Variants in NEMP2 observed in about 807,000 individuals in gnomAD.
The protein encoded by NEMP2 is nuclear envelope integral membrane protein 2.
A neutral mutation model predicts 54.2 loss-of-function variants in NEMP2; 53 were observed. That is an observed-to-expected ratio of 0.98 (90% CI 0.78 to 1.23). NEMP2 has a LOEUF of 1.23. Ranked by LOEUF, NEMP2 falls within the 50% of genes most tolerant of loss-of-function variation. The probability of loss-of-function intolerance (pLI) is 0.00; values close to 1 mark genes in which losing one functional copy is unlikely to be tolerated. For missense variants in NEMP2, 455 were observed against 511.3 expected, an observed-to-expected ratio of 0.89 and a Z score of 1.06; for synonymous variants, 197 against 190.3, an observed-to-expected ratio of 1.04 and a Z score of -0.29.
At chr2:190,570,874 A>G in the NEMP2 span, among the ~76,000 whole-genome samples, 1 of 152,274 alleles carries the variant, frequency 6.6e-6, no homozygotes, top group Admixed American at 6.5e-5. This position sits in a 1 kb window ranked among gnomAD's most constrained non-coding sequence, Gnocchi z 5.4. Flanking sequence ...ACTTCAAACA[A>G]AAACAATCTG....
rs1311161848 is a variant in NEMP2, at chr2:190,504,921, T to A, written c.*4268A>T. On this transcript the variant is annotated 3_prime_UTR_variant, in exon 9 of 9. Transcript: ENST00000409150. The surrounding 1 kb of genome is among the most constrained non-coding windows in gnomAD (Gnocchi z 5.6). ...AAATATGTATGGCAAGTTGACATTG[T>A]CATGACATGATCATCGTGCTTATAT... The A allele has an allele frequency of 1.3e-5, 2 of 152,264 alleles. No homozygotes were observed. Among genetic ancestry groups the A allele is most frequent in the African/African-American group, 4.8e-5 (2 of 41,474 alleles). 9.4% of individuals were successfully genotyped at this position (152,264 alleles called of 1,614,324 possible).
At chr2:190,488,372 TG>T in the NEMP2 span, among the ~76,000 whole-genome samples, 1 of 152,154 alleles carries the variant, frequency 6.6e-6, no homozygotes, top group Non-Finnish European at 1.5e-5. This position sits in a 1 kb window ranked among gnomAD's most constrained non-coding sequence, Gnocchi z 6.4. Context: ...TGTCAGGGGA[TG>T]GGACAAGGGG....
At chr2:190,578,889 A>G in the NEMP2 span, among the ~76,000 whole-genome samples, 2 of 152,176 alleles carry the variant, frequency 1.3e-5, no homozygotes, top group Non-Finnish European at 2.9e-5. This position sits in a 1 kb window ranked among gnomAD's most constrained non-coding sequence, Gnocchi z 4.4. Flanking sequence ...GGAACGGATC[A>G]GCTCCCCACA....
At chr2:190,648,752 C>T in the NEMP2 span, 2 of 151,260 alleles carry the variant, frequency 1.3e-5, no homozygotes, top group Admixed American at 1.3e-4. Context: ...CCGCCCACTC[C>T]CGGCGCCCAC....
the NEMP2 span, among the ~76,000 whole-genome samples, chr2:190,428,875 A>G: frequency 0.45 from 68,885 of 151,696 alleles, 16,062 homozygotes; most frequent in Admixed American, 0.6. Flanking sequence ...GTTTTGCCAC[A>G]TTGGCCAGGC....
In NEMP2 at chr2:190,525,854, G is replaced by C. The variant is rs1028109002; in HGVS notation, c.98-476C>G. On this transcript the variant is annotated intron_variant, in intron 1 of 8. Coordinates refer to ENST00000409150, the MANE Select transcript of NEMP2 (RefSeq NM_001142645.2). The surrounding 1 kb of genome is among the most constrained non-coding windows in gnomAD (Gnocchi z 5.0). ...TATTGGTAAGGGAGCATGGATGGAA[G>C]GTATAGGGATACAAGAAGACATTTG... Among the ~76,000 whole-genome samples the C allele has an allele frequency of 6.6e-6, 1 of 152,084 alleles. No homozygotes were observed. The highest frequency in any genetic ancestry group is 2.4e-5 in the African/African-American group (1 of 41,390).
In NEMP2 at chr2:190,521,143, C is replaced by T. The variant is rs1184630929; in HGVS notation, c.214-1960G>A. On this transcript the variant is annotated intron_variant, in intron 2 of 8. Transcript: ENST00000409150. The surrounding 1 kb of genome is among the most constrained non-coding windows in gnomAD (Gnocchi z 6.2). ...TTGCAGTCATTCATACCACATATTA[C>T]TATTCATTCATTCTTCCACCCTCTG... Among the ~76,000 whole-genome samples the T allele has an allele frequency of 6.6e-6, 1 of 152,188 alleles. No homozygotes were observed. Among genetic ancestry groups the T allele is most frequent in the Non-Finnish European group, 1.5e-5 (1 of 68,030 alleles).
chr2:190,540,699 G>C, the NEMP2 span, among the ~76,000 whole-genome samples: 1 of 152,176 alleles, frequency 6.6e-6, no homozygotes, highest in South Asian at 2.1e-4. Context: ...TCATTTTTGT[G>C]TGTGGGTCCT....
At chr2:190,464,872 A>G in the NEMP2 span, 1 of 969,766 alleles carries the variant, frequency 1.0e-6, no homozygotes, top group Non-Finnish European at 1.2e-6. Flanking sequence ...TTATTGAGCA[A>G]AATTTATGTT....
the NEMP2 span, among the ~76,000 whole-genome samples, chr2:190,619,298 G>A: frequency 6.7e-6 from 1 of 148,258 alleles, no homozygotes; most frequent in African/African-American, 2.5e-5. This position sits in a 1 kb window ranked among gnomAD's most constrained non-coding sequence, Gnocchi z 5.5. Flanking sequence ...GATCACTGGA[G>A]ACCAGCCTGG....
At chr2:190,491,175 A>C in the NEMP2 span, among the ~76,000 whole-genome samples, 1 of 152,240 alleles carries the variant, frequency 6.6e-6, no homozygotes, top group East Asian at 1.9e-4. This position sits in a 1 kb window ranked among gnomAD's most constrained non-coding sequence, Gnocchi z 4.2. Flanking sequence ...ATTTTAACTC[A>C]TCTTTGATTA....
At chr2:190,441,169 AG>A in the NEMP2 span, among the ~76,000 whole-genome samples, 1 of 152,078 alleles carries the variant, frequency 6.6e-6, no homozygotes, top group East Asian at 1.9e-4. Flanking sequence ...TTAGGCCCAC[AG>A]GCTCTCAGAT....
At chr2:190,526,460 A>G (rs1441790063) in intron 1 of NEMP2, among the ~76,000 whole-genome samples, 1 of 152,248 alleles carries the variant, frequency 6.6e-6, no homozygotes, top group Non-Finnish European at 1.5e-5. Context: ...TTTGTATTTT[A>G]GAAAGAATAT....
the NEMP2 span, among the ~76,000 whole-genome samples, chr2:190,471,755 G>C: frequency 6.6e-6 from 1 of 152,148 alleles, no homozygotes; most frequent in Non-Finnish European, 1.5e-5. The surrounding 1 kb of genome is among the most constrained non-coding windows in gnomAD (Gnocchi z 4.7). Context: ...GTTCTCCCAG[G>C]ACGCAGCTTG....
At chr2:190,436,021 T>G in the NEMP2 span, 1 of 1,597,398 alleles carries the variant, frequency 6.3e-7, no homozygotes, top group East Asian at 2.2e-5. This position sits in a 1 kb window ranked among gnomAD's most constrained non-coding sequence, Gnocchi z 5.3. Context: ...CTGATGGTGG[T>G]GGTAAGCCAT....
At chr2:190,483,447 G>GA in the NEMP2 span, among the ~76,000 whole-genome samples, 1 of 152,022 alleles carries the variant, frequency 6.6e-6, no homozygotes, top group Non-Finnish European at 1.5e-5. Flanking sequence ...GGAAAATGAA[G>GA]AAAAAATAGT....
the NEMP2 span, among the ~76,000 whole-genome samples, chr2:190,494,215 C>T: frequency 6.6e-6 from 1 of 152,064 alleles, no homozygotes; most frequent in Non-Finnish European, 1.5e-5. The surrounding 1 kb of genome is among the most constrained non-coding windows in gnomAD (Gnocchi z 5.7). Flanking sequence ...TCATTCAAGG[C>T]TACTATTAAC....
the NEMP2 span, among the ~76,000 whole-genome samples, chr2:190,457,244 T>C: frequency 1.3e-5 from 2 of 152,208 alleles, no homozygotes; most frequent in African/African-American, 4.8e-5. The surrounding 1 kb of genome is among the most constrained non-coding windows in gnomAD (Gnocchi z 5.1). Context: ...ACCGACTTTG[T>C]GGCCCCGGTC....
At chr2:190,494,849 A>G in the NEMP2 span, among the ~76,000 whole-genome samples, 4 of 152,068 alleles carry the variant, frequency 2.6e-5, no homozygotes, top group African/African-American at 9.6e-5. This position sits in a 1 kb window ranked among gnomAD's most constrained non-coding sequence, Gnocchi z 5.7. Flanking sequence ...GAGACATAAC[A>G]CAGTGAAATA....
Sources: gnomAD v4.1 joint callset for allele counts (sites outside exome capture counted in the v4.1 genomes callset) on GRCh38, gnomAD v4.1.1 for gene constraint, Gnocchi (gnomAD v3.1) non-coding constraint, MANE v1.5 for transcripts, NCBI Gene and HGNC (gene_info 2026-07-23, HGNC 2026-07-21) for gene names.